The following PCDHGA4 variants were observed in gnomAD, a reference collection of about 807,000 sequenced individuals.
PCDHGA4 encodes the protein protocadherin gamma-A4.
A neutral mutation model predicts 54.6 loss-of-function variants in PCDHGA4; 38 were observed. The observed-to-expected ratio is 0.70, with a 90% CI of 0.54 to 0.91. PCDHGA4 has a LOEUF of 0.91. Among genes scored for constraint, PCDHGA4 ranks in the 40% least tolerant of loss-of-function variants. The pLI is 0.00. For synonymous variants in PCDHGA4, 511 were observed against 512.9 expected (o/e 1.00, Z 0.05); for missense variants, 1,298 against 1,220.9 (o/e 1.06, Z -0.94).
chr5:141,372,000 G>C (rs762846056), intron 1 of PCDHGA4: 3 of 1,613,268 alleles, frequency 1.9e-6, no homozygotes, highest in Middle Eastern at 1.7e-4. Context: ...GCAGGCCCGC[G>C]ACCAGGGCTC....
intron 1 of PCDHGA4, chr5:141,412,510 T>G (rs1007512416): frequency 6.6e-6 from 1 of 152,204 alleles, no homozygotes; most frequent in Non-Finnish European, 1.5e-5. Flanking sequence ...ATAAGTTTAA[T>G]GAATTAAGTA....
intron 1 of PCDHGA4, among the ~76,000 whole-genome samples, chr5:141,443,514 C>T (rs1386662758): frequency 6.6e-6 from 1 of 152,056 alleles, no homozygotes; most frequent in Non-Finnish European, 1.5e-5. Flanking sequence ...AAGAGCTTCT[C>T]TCCTTATGAC....
intron 1 of PCDHGA4, among the ~76,000 whole-genome samples, chr5:141,473,413 G>A (rs1282997381): frequency 6.6e-6 from 1 of 152,156 alleles, no homozygotes; most frequent in Non-Finnish European, 1.5e-5. Context: ...CTTCTTCAGT[G>A]GGGGAAGCAG....
intron 1 of PCDHGA4, chr5:141,418,372 A>G (rs771262387): frequency 3.1e-6 from 5 of 1,613,968 alleles, no homozygotes; most frequent in Non-Finnish European, 3.4e-6. Context: ...GCAAATACCA[A>G]CTAAGTCCTA....
intron 1 of PCDHGA4, chr5:141,382,927 T>G: frequency 6.3e-7 from 1 of 1,579,076 alleles, no homozygotes; most frequent in Non-Finnish European, 8.6e-7. Context: ...GGGCGGGGAC[T>G]ACAGAGGATT....
chr5:141,453,050 C>A (rs2098754757), intron 1 of PCDHGA4, among the ~76,000 whole-genome samples: 3 of 152,006 alleles, frequency 2.0e-5, no homozygotes, highest in Non-Finnish European at 4.4e-5. Context: ...CTATTATGTG[C>A]AGTTTTAGAG....
At chr5:141,375,121 A>G (rs1483677104) in intron 1 of PCDHGA4, 1 of 1,613,942 alleles carries the variant, frequency 6.2e-7, no homozygotes, top group Non-Finnish European at 8.5e-7. Context: ...ATGTACCAGA[A>G]GTGGTTGTTA....
intron 1 of PCDHGA4, chr5:141,419,926 G>T: frequency 6.2e-7 from 1 of 1,614,096 alleles, no homozygotes; most frequent in South Asian, 1.1e-5. Flanking sequence ...CTGAGATGCA[G>T]TTTTACCTGG....
At position 141,490,561 on chromosome 5, in the gene PCDHGA4, A is replaced by C. The variant is rs2099701634; in HGVS notation, c.2515-4246A>C. The stretch of plus-strand genomic sequence containing the variant: ...TTCCCTACACAAACATCTCACCATC[A>C]GGCTCAACATTTCAGATGTCAATGA... On this transcript the variant is annotated intron_variant, in intron 1 of 3. Transcript: ENST00000571252. The surrounding 1 kb of genome is among the most constrained non-coding windows in gnomAD (Gnocchi z 5.4). The C allele has an allele frequency of 1.2e-6, 2 of 1,614,090 alleles. No homozygotes were observed. The highest frequency in any genetic ancestry group is 1.7e-4 in the Middle Eastern group (1 of 6,060).
Position 141,461,919 on chromosome 5 carries a change from G to T in PCDHGA4, c.2515-32888G>T, listed in dbSNP as rs10060711. On this transcript the variant is annotated intron_variant, in intron 1 of 3. Transcript: ENST00000571252. Reference sequence around the variant, plus strand: ...GCTCACTGCAACCTCTGCCTCCTGGGTTCCAGCAATTCTCCTGCCTCAACC... The same window carrying T: ...GCTCACTGCAACCTCTGCCTCCTGGTTTCCAGCAATTCTCCTGCCTCAACC... 5.4e-3 allele frequency among the ~76,000 whole-genome samples: 815 copies of T among 152,214 alleles called. 11 individuals are homozygous for T. Among genetic ancestry groups the T allele is most frequent in the African/African-American group, 0.019 (780 of 41,542 alleles).
Position 141,360,540 on chromosome 5 carries a change from GA to G in PCDHGA4, c.2514+2920del, listed in dbSNP as rs760797244. On this transcript the variant is annotated intron_variant, in intron 1 of 3. Transcript: ENST00000571252. ...ATGATAATACCCCGCTATTCAAACAGACTAAGATTAATTTAAAAATTGGCGA... is the reference window on the plus strand; with the variant it reads ...ATGATAATACCCCGCTATTCAAACAGCTAAGATTAATTTAAAAATTGGCGA... 3.1e-6 allele frequency: 5 copies of G among 1,613,812 alleles called. No homozygotes were observed. In the African/African-American group the frequency reaches 6.7e-5, roughly 22 times the overall value.
At position 141,364,632 on chromosome 5, in the gene PCDHGA4, T is replaced by C. The variant is rs377270205; in HGVS notation, c.2514+7011T>C. The C allele has an allele frequency of 1.1e-5, 17 of 1,614,024 alleles. No homozygotes were observed. The African/African-American group carries it at 2.3e-4, about 22-fold the overall frequency. Reference sequence around the variant, plus strand: ...GAGGAGCTCTGCGCTCAGAGCCCACTGTGTGTGGTGAACTTTAACATCTTG... The same window carrying C: ...GAGGAGCTCTGCGCTCAGAGCCCACCGTGTGTGGTGAACTTTAACATCTTG... On this transcript the variant is annotated intron_variant, in intron 1 of 3. Coordinates refer to ENST00000571252, the MANE Select transcript of PCDHGA4 (RefSeq NM_018917.4).
rs756134036 is a variant in PCDHGA4 at position 141,374,596 on chromosome 5, G to GC, written c.2514+16976dup. On this transcript the variant is annotated intron_variant, in intron 1 of 3. Transcript: ENST00000571252. ...GAATGAACTCCCTTCAGGGATTTAA[G>GC]CTCAGTGGTAATAGTCACTTCTCAG... The GC allele has an allele frequency of 1.9e-6, 3 of 1,613,578 alleles. No homozygotes were observed. The African/African-American group carries it at 4.0e-5, about 22-fold the overall frequency.
At chr5:141,374,796 A>G (rs1422023332) in intron 1 of PCDHGA4, 5 of 1,613,974 alleles carry the variant, frequency 3.1e-6, no homozygotes, top group Non-Finnish European at 3.4e-6. Context: ...GTGAATGACA[A>G]CACTCCAATG....
chr5:141,423,268 T>G (rs752667215), intron 1 of PCDHGA4: 1 of 1,613,552 alleles, frequency 6.2e-7, no homozygotes, highest in South Asian at 1.1e-5. Flanking sequence ...CAGCCTCGAG[T>G]CTCTGGCTAA....
At chr5:141,462,271 G>C (rs2099036316) in intron 1 of PCDHGA4, among the ~76,000 whole-genome samples, 1 of 152,174 alleles carries the variant, frequency 6.6e-6, no homozygotes, top group African/African-American at 2.4e-5. Context: ...AAAGTGTATT[G>C]TTTAGTCACC....
intron 1 of PCDHGA4, chr5:141,375,861 C>T (rs567912144): frequency 1.9e-6 from 3 of 1,613,986 alleles, no homozygotes; most frequent in Middle Eastern, 1.7e-4. Flanking sequence ...AAGGTGGTGG[C>T]GGTGGACAGA....
intron 1 of PCDHGA4, chr5:141,417,858 C>A (rs561149517): frequency 1.3e-6 from 2 of 1,547,240 alleles, no homozygotes; most frequent in African/African-American, 1.4e-5. Context: ...CCCGAGCGAA[C>A]GATGGGAGGG....
Position 141,355,062 on chromosome 5 carries a change from G to T in PCDHGA4, c.-46G>T. 1 of 1,307,732 alleles carries T rather than the reference G, an allele frequency of 7.6e-7. No homozygotes were observed. Among genetic ancestry groups the T allele is most frequent in the Non-Finnish European group, 1.0e-6 (1 of 972,028 alleles). The allele number at this position is 1,307,732 out of a possible 1,614,324, so 81.0% of individuals were successfully genotyped here. On this transcript the variant is annotated 5_prime_UTR_variant, in exon 1 of 4. Coordinates refer to ENST00000571252, the MANE Select transcript of PCDHGA4 (RefSeq NM_018917.4). ...TGCAGCACAAAGCACTGGCTCTGGA[G>T]CTTTATGAAAGCTTCAAGCGGAAGC...
Sources: gnomAD v4.1 joint callset for allele counts (sites outside exome capture counted in the v4.1 genomes callset) on GRCh38, gnomAD v4.1.1 for gene constraint, Gnocchi (gnomAD v3.1) non-coding constraint, MANE v1.5 for transcripts, NCBI Gene and HGNC (gene_info 2026-07-23, HGNC 2026-07-21) for gene names.